ZNF14: variants seen among roughly 807,000 people sequenced by gnomAD.
ZNF14 encodes the protein zinc finger protein 14, also known as gonadotropin inducible transcription repressor-4.
ZNF14 carries 9 observed loss-of-function variants against 11.3 expected under a neutral mutation model. The observed-to-expected ratio is 0.80, with a 90% CI of 0.48 to 1.39. ZNF14 has a LOEUF of 1.39. ZNF14 is among the 40% of genes most tolerant of loss of function. ZNF14 has a pLI of 0.00. For synonymous variants in ZNF14, 239 were observed against 245.7 expected (o/e 0.97, Z 0.25); for missense variants, 711 against 763.9 (o/e 0.93, Z 0.82).
In ZNF14 at chr19:19,712,134, T is replaced by C. The variant is rs553280409; in HGVS notation, c.1147A>G (p.Arg383Gly). ...TAAGGTTTCTCTCCAGTATGAGTTCTTTCATGCAATCGAAGAGAAATGGAC... is the reference window on the plus strand; with the variant it reads ...TAAGGTTTCTCTCCAGTATGAGTTCCTTCATGCAATCGAAGAGAAATGGAC... ...SWSISLRLHERTHTGEKPYEC... is the reference protein window; with the variant it reads ...SWSISLRLHEGTHTGEKPYEC... Residue 383 changes from arginine (R) to glycine (G), a missense_variant, in exon 4 of 4, where the codon AGA becomes GGA. Arg to Gly is a moderately radical substitution (Grantham distance 125). Transcript: ENST00000344099. The C allele has an allele frequency of 1.2e-6, 2 of 1,614,056 alleles. No individual in the cohort carries two copies. Among genetic ancestry groups the C allele is most frequent in the South Asian group, 2.2e-5 (2 of 91,084 alleles).
chr19:19,712,387 T>C lies in ZNF14; in HGVS notation c.894A>G (p.Lys298=). ...FSFLSSFRRH[K]RTHSGEKPYE... ...AGGGTTTCTCTCCACTATGAGTCCT[T>C]TTATGCCTTCGAAAAGAACTGAGAA... The change falls in exon 4 of 4, where the codon AAA becomes AAG. Residue 298 remains lysine (K), a synonymous_variant. Coordinates refer to ENST00000344099, the MANE Select transcript of ZNF14 (RefSeq NM_021030.3). 1.9e-6 allele frequency: 3 copies of C among 1,610,550 alleles called. No homozygotes were observed. The highest frequency in any genetic ancestry group is 2.5e-6 in the Non-Finnish European group (3 of 1,179,094).
intron 1 of ZNF14, among the ~76,000 whole-genome samples, chr19:19,725,905 C>T (rs539155910): frequency 7.4e-6 from 1 of 134,574 alleles, no homozygotes; most frequent in South Asian, 2.4e-4. Flanking sequence ...AAGTAGTTCT[C>T]GTGCCACGGT....
chr19:19,714,461 G>C lies in ZNF14; in HGVS notation c.30C>G (p.Ala10=), dbSNP rs200630211. Residue 10 remains alanine, a synonymous_variant, in exon 2 of 4, where the codon GCC becomes GCG. Transcript: ENST00000344099. MDSVSFEDV[A]VNFTLEEWAL... ...CCCACTCCTCCAGGGTGAAGTTCAC[G>C]GCCACATCCTCAAAGGAGACTGAGT... The C allele has an allele frequency of 6.2e-7, 1 of 1,613,886 alleles. No individual in the cohort carries two copies. Among genetic ancestry groups the C allele is most frequent in the Non-Finnish European group, 8.5e-7 (1 of 1,179,978 alleles).
At position 19,733,028 on chromosome 19, in the gene ZNF14, A is replaced by T. The variant is rs1050363974; in HGVS notation, c.-70T>A. On this transcript the variant is annotated 5_prime_UTR_variant, in exon 1 of 4. Coordinates refer to ENST00000344099, the MANE Select transcript of ZNF14 (RefSeq NM_021030.3). ...CAGTACCTGCAGGTCACGGCGCGAC[A>T]AAGGATGCGCTAGAGCCACCTTCGG... is the stretch of plus-strand genomic sequence containing the variant. 3.7e-5 allele frequency: 59 copies of T among 1,592,118 alleles called. 1 individual carries two copies. Among genetic ancestry groups the T allele is most frequent in the Middle Eastern group, 3.3e-4 (2 of 5,992 alleles).
chr19:19,717,456 ATGAT>A (rs1364505040), intron 1 of ZNF14, among the ~76,000 whole-genome samples: 2 of 152,190 alleles, frequency 1.3e-5, no homozygotes, highest in Non-Finnish European at 2.9e-5. Flanking sequence ...ACACACAGAT[ATGAT>A]TGATTAAATC....
chr19:19,721,743 C>T (rs189732285), intron 1 of ZNF14, among the ~76,000 whole-genome samples: 1 of 152,114 alleles, frequency 6.6e-6, no homozygotes, highest in African/African-American at 2.4e-5. Context: ...GGGTGGATCA[C>T]CTGAGGTCAG....
At chr19:19,732,592 A>G (rs1489111332) in intron 1 of ZNF14, among the ~76,000 whole-genome samples, 1 of 152,182 alleles carries the variant, frequency 6.6e-6, no homozygotes, top group Non-Finnish European at 1.5e-5. Context: ...GCACCCGTGG[A>G]TTCATCGTAA....
chr19:19,714,235 A>G, intron 2 of ZNF14, 84 bp from the exon 3 acceptor site: 1 of 1,588,236 alleles, frequency 6.3e-7, no homozygotes. Context: ...ATTAGCTGTG[A>G]CTGTCTGATT....
intron 1 of ZNF14, among the ~76,000 whole-genome samples, chr19:19,717,205 C>T (rs1036938451): frequency 1.3e-5 from 2 of 152,146 alleles, no homozygotes; most frequent in Non-Finnish European, 2.9e-5. Flanking sequence ...CCACACCACC[C>T]TTTATAGTTC....
At position 19,731,343 on chromosome 19, in the gene ZNF14, G is replaced by A. The variant is rs143782940; in HGVS notation, c.3+1613C>T. 2.1e-3 allele frequency among the ~76,000 whole-genome samples: 321 copies of A among 152,144 alleles called. 1 individual carries two copies. Among genetic ancestry groups the A allele is most frequent in the Middle Eastern group, 6.8e-3 (2 of 294 alleles). ...TAATCCCAGCACTTTGGGAGGTTGA[G>A]GCAGGCAGACCACCTGAGGTCAGGA... is the stretch of plus-strand genomic sequence containing the variant. On this transcript the variant is annotated intron_variant, in intron 1 of 3. Coordinates refer to ENST00000344099, the MANE Select transcript of ZNF14 (RefSeq NM_021030.3).
rs1490269124 is a variant in ZNF14 at position 19,733,033 on chromosome 19, A to ATGCG, written c.-79_-76dup. On this transcript the variant is annotated 5_prime_UTR_variant, in exon 1 of 4. Coordinates refer to ENST00000344099, the MANE Select transcript of ZNF14 (RefSeq NM_021030.3). ...CCTGCAGGTCACGGCGCGACAAAGG[A>ATGCG]TGCGCTAGAGCCACCTTCGGCCTTC... 5.7e-6 allele frequency: 9 copies of ATGCG among 1,583,466 alleles called. No individual in the cohort carries two copies. In the East Asian group the frequency reaches 1.8e-4, roughly 32 times the overall value.
chr19:19,717,746 G>A (rs2062381737), intron 1 of ZNF14, among the ~76,000 whole-genome samples: 1 of 152,164 alleles, frequency 6.6e-6, no homozygotes, highest in South Asian at 2.1e-4. Flanking sequence ...CTCGGGCACA[G>A]GCTCACTAAA....
intron 1 of ZNF14, among the ~76,000 whole-genome samples, chr19:19,718,088 C>T (rs1271181782): frequency 2.0e-5 from 3 of 152,048 alleles, no homozygotes; most frequent in East Asian, 1.9e-4. Flanking sequence ...TACATCTTGT[C>T]GAGTTTTCAA....
rs189180051 is a variant in ZNF14, at chr19:19,733,095, A to C, written c.-137T>G. 8.9e-7 allele frequency: 1 copy of C among 1,119,286 alleles called. No homozygotes were observed. The highest frequency in any genetic ancestry group is 1.6e-5 in the African/African-American group (1 of 64,184). 69.3% of individuals were successfully genotyped at this position (1,119,286 alleles called of 1,614,324 possible). On this transcript the variant is annotated 5_prime_UTR_variant, in exon 1 of 4. In the 5' UTR this introduces an upstream ATG that the reference lacks. Transcript: ENST00000344099. ...AAACGCAATCTTCCCATGGGCCAGG[A>C]ATGGCGACGTCCGCACTGCGCAGGC...
intron 1 of ZNF14, among the ~76,000 whole-genome samples, chr19:19,724,387 T>A (rs1176053004): frequency 1.5e-5 from 2 of 133,782 alleles, no homozygotes; most frequent in African/African-American, 5.5e-5. Flanking sequence ...TGCAGTTGAG[T>A]GGTTTTGAGT....
chr19:19,714,293 C>A, intron 2 of ZNF14, 68 bp downstream of exon 2: 5 of 1,605,700 alleles, frequency 3.1e-6, no homozygotes, highest in Non-Finnish European at 4.3e-6. Context: ...TGGAACACAG[C>A]TGTTGAGCAA....
Position 19,713,033 on chromosome 19 carries a change from GT to G in ZNF14, c.247del (p.Thr83ProfsTer40). 1.2e-6 allele frequency: 2 copies of G among 1,613,202 alleles called. No individual in the cohort carries two copies. On this transcript the variant is annotated frameshift_variant, in exon 4 of 4. Transcript: ENST00000344099. LOFTEE classifies it low-confidence loss of function (END_TRUNC). Reference protein sequence around the residue: ...ESRRGSKCGETTSQMPNVNIN... With the variant: ...ESRRGSKCGEXTSQMPNVNIN... ...ATTAACATTTGGCATCTGGCTAGTG[GT>G]TTCTCCACATTTGCTACCTCTTCTA... is the stretch of plus-strand genomic sequence containing the variant.
chr19:19,731,710 C>T lies in ZNF14; in HGVS notation c.3+1246G>A, dbSNP rs538515522. 1.7e-3 allele frequency among the ~76,000 whole-genome samples: 254 copies of T among 152,268 alleles called. 2 individuals carry two copies. Among genetic ancestry groups the T allele is most frequent in the African/African-American group, 5.6e-3 (231 of 41,552 alleles). Reference sequence around the variant, plus strand: ...CGAGGAAAGAAAAAATCACAACATACACTTACAATCAGAATGTATCAAAGT... The same window carrying T: ...CGAGGAAAGAAAAAATCACAACATATACTTACAATCAGAATGTATCAAAGT... On this transcript the variant is annotated intron_variant, in intron 1 of 3. Transcript: ENST00000344099.
At position 19,727,767 on chromosome 19, in the gene ZNF14, C is replaced by T. The variant is rs972517955; in HGVS notation, c.3+5189G>A. 3.0e-5 allele frequency among the ~76,000 whole-genome samples: 4 copies of T among 133,824 alleles called. 1 individual carries two copies. Among genetic ancestry groups the T allele is most frequent in the African/African-American group, 1.1e-4 (4 of 36,182 alleles). 87.8% of individuals were successfully genotyped at this position (133,824 alleles called of 152,430 possible). A position where few individuals can be genotyped will look rare whatever the true frequency, so the allele number is the denominator to read the frequency against. The stretch of plus-strand genomic sequence containing the variant: ...TTTATAGACGCTTGGCATGTATTCC[C>T]AAACACCCCTTAGAAGACCACATAA... On this transcript the variant is annotated intron_variant, in intron 1 of 3. Coordinates refer to ENST00000344099, the MANE Select transcript of ZNF14 (RefSeq NM_021030.3).
Sources: allele counts gnomAD v4.1 joint callset (sites outside exome capture counted in the v4.1 genomes callset), GRCh38; gene constraint gnomAD v4.1.1; transcripts MANE v1.5; gene names NCBI Gene and HGNC (gene_info 2026-07-23, HGNC 2026-07-21).